Variants in MYO9A observed in about 807,000 individuals in gnomAD.
MYO9A encodes myosin IXA.
Under a neutral mutation model 293.3 loss-of-function variants are expected in MYO9A, and 103 were observed. The observed-to-expected ratio is 0.35, with a 90% CI of 0.30 to 0.41. MYO9A has a LOEUF of 0.41. Ranked by LOEUF, MYO9A falls within the 10% of genes least tolerant of loss-of-function variation. The pLI is 1.00. For synonymous variants in MYO9A, 1,001 were observed against 1,035.7 expected, an observed-to-expected ratio of 0.97 and a Z score of 0.64; for missense variants, 2,685 against 3,033.0, an observed-to-expected ratio of 0.89 and a Z score of 2.69.
At chr15:72,091,783 G>A (rs545659608) in intron 1 of MYO9A, among the ~76,000 whole-genome samples, 9 of 150,862 alleles carry the variant, frequency 6.0e-5, no homozygotes, top group South Asian at 2.1e-4. Context: ...GCGCGATCTC[G>A]GCTCACTGCA....
chr15:71,902,927 C>T lies in MYO9A; in HGVS notation c.3000+14G>A, dbSNP rs1254763100. On this transcript the variant is annotated intron_variant, in intron 22 of 41. Coordinates refer to ENST00000356056, the MANE Select transcript of MYO9A (RefSeq NM_006901.4). ...GCACTCAATTTTGACCAGAGCTATA[C>T]AGATTATATTTACCATGGTTTTTCC... The T allele has an allele frequency of 1.4e-5, 22 of 1,553,530 alleles. No individual in the cohort carries two copies. Among genetic ancestry groups the T allele is most frequent in the Non-Finnish European group, 5.3e-6 (6 of 1,138,496 alleles).
At chr15:71,984,446 T>C (rs1161429660) in intron 11 of MYO9A, among the ~76,000 whole-genome samples, 2 of 152,242 alleles carry the variant, frequency 1.3e-5, no homozygotes, top group Non-Finnish European at 2.9e-5. Context: ...TTAAAGAGCT[T>C]TTCAAATGTA....
chr15:72,048,674 GTGT>G (rs1164206543), intron 1 of MYO9A, among the ~76,000 whole-genome samples: 1 of 152,000 alleles, frequency 6.6e-6, no homozygotes, highest in Admixed American at 6.6e-5. Flanking sequence ...TTACCTTAAT[GTGT>G]TGTTCTTTAC....
At chr15:71,930,629 GTC>G (rs971699149) in intron 18 of MYO9A, among the ~76,000 whole-genome samples, 1 of 152,206 alleles carries the variant, frequency 6.6e-6, no homozygotes, top group Admixed American at 6.5e-5. Context: ...ATATAGATGA[GTC>G]TCTCTTTTTT....
Position 72,011,278 on chromosome 15 carries a change from C to T in MYO9A, c.1156-831G>A, listed in dbSNP as rs75913529. ...CCACCCACCTAGGCCTCCTAAAGTG[C>T]TAGAATTACAGGCGTGAGCCACTGT... On this transcript the variant is annotated intron_variant, in intron 6 of 41. Transcript: ENST00000356056. Among the ~76,000 whole-genome samples, 235 of 151,980 alleles carry T rather than the reference C, an allele frequency of 1.5e-3. 5 individuals are homozygous for T. The East Asian group carries it at 0.023, about 15-fold the overall frequency.
At chr15:71,892,571 A>G (rs2057209565) in intron 26 of MYO9A, 1 of 157,626 alleles carries the variant, frequency 6.3e-6, no homozygotes, top group Non-Finnish European at 1.4e-5. Context: ...CTTAGTGTCT[A>G]TGGCTGCTTT....
At chr15:71,833,364 TAAG>T (rs1299411989) in intron 39 of MYO9A, among the ~76,000 whole-genome samples, 9 of 152,092 alleles carry the variant, frequency 5.9e-5, no homozygotes, top group African/African-American at 2.2e-4. Flanking sequence ...AAGTAAACTT[TAAG>T]AAGTATTACC....
intron 6 of MYO9A, among the ~76,000 whole-genome samples, chr15:72,013,778 T>A (rs2077242694): frequency 6.6e-6 from 1 of 152,222 alleles, no homozygotes; most frequent in South Asian, 2.1e-4. Flanking sequence ...TTTCTTAAAA[T>A]TGTACTTAAG....
intron 1 of MYO9A, among the ~76,000 whole-genome samples, chr15:72,070,521 A>G (rs986481655): frequency 6.6e-6 from 1 of 152,080 alleles, no homozygotes; most frequent in Non-Finnish European, 1.5e-5. Flanking sequence ...AGCTCTACAA[A>G]TATCTGCACA....
intron 19 of MYO9A, 77 bp from the exon 20 acceptor site, chr15:71,905,083 A>C: frequency 7.9e-7 from 1 of 1,266,474 alleles, no homozygotes; most frequent in Non-Finnish European, 1.1e-6. Context: ...TATAATCAAC[A>C]TGCTGGCAAA....
At chr15:71,920,353 G>GAT (rs1389810107) in intron 18 of MYO9A, among the ~76,000 whole-genome samples, 6 of 152,138 alleles carry the variant, frequency 3.9e-5, no homozygotes, top group Non-Finnish European at 5.9e-5. Context: ...ATCCTGGTGT[G>GAT]ATAGTATTAA....
intron 1 of MYO9A, among the ~76,000 whole-genome samples, chr15:72,101,021 C>A (rs1273953336): frequency 5.8e-5 from 5 of 86,732 alleles, no homozygotes; most frequent in Non-Finnish European, 6.8e-5. Flanking sequence ...GGGAGGTAGG[C>A]GGGTCAGCCC....
chr15:72,041,260 C>T, intron 2 of MYO9A: 1 of 1,214,592 alleles, frequency 8.2e-7, no homozygotes, highest in Non-Finnish European at 1.2e-6. Context: ...TGTACATCTT[C>T]ACCTGCGTTG....
chr15:71,998,427 T>C (rs910521694), intron 9 of MYO9A, among the ~76,000 whole-genome samples: 2 of 151,928 alleles, frequency 1.3e-5, no homozygotes, highest in African/African-American at 4.8e-5. Flanking sequence ...AAACCTGCAC[T>C]ATACCCCGGA....
chr15:72,052,212 G>T (rs766767577), intron 1 of MYO9A, among the ~76,000 whole-genome samples: 16 of 152,096 alleles, frequency 1.1e-4, no homozygotes, highest in South Asian at 4.2e-4. Context: ...AAGCTGAAGA[G>T]ATATCCAACT....
intron 17 of MYO9A, 175 bp downstream of exon 17, chr15:71,935,166 T>G (rs2145864854): frequency 1.5e-4 from 91 of 620,892 alleles, no homozygotes; most frequent in Non-Finnish European, 2.2e-4. Context: ...TTATAACACA[T>G]GAGATTCATG....
At chr15:72,020,729 T>C (rs920597533) in intron 5 of MYO9A, among the ~76,000 whole-genome samples, 189 bp downstream of exon 5, 3 of 152,186 alleles carry the variant, frequency 2.0e-5, no homozygotes, top group Non-Finnish European at 4.4e-5. Context: ...ATCTGAGCTT[T>C]TAACATTTAT....
chr15:71,886,496 C>T (rs572333987), intron 27 of MYO9A, among the ~76,000 whole-genome samples: 7 of 152,086 alleles, frequency 4.6e-5, no homozygotes, highest in Admixed American at 2.0e-4. Flanking sequence ...TGCCCCAGCC[C>T]TCAATTGTAT....
chr15:72,044,979 C>A (rs1437814995), intron 2 of MYO9A, among the ~76,000 whole-genome samples: 1 of 152,166 alleles, frequency 6.6e-6, no homozygotes, highest in East Asian at 1.9e-4. Flanking sequence ...GCGTTCCCAT[C>A]TTCCAGGTCC....
Sources: allele counts gnomAD v4.1 joint callset (sites outside exome capture counted in the v4.1 genomes callset), GRCh38; gene constraint gnomAD v4.1.1; transcripts MANE v1.5; gene names NCBI Gene and HGNC (gene_info 2026-07-23, HGNC 2026-07-21).